BMPR1A: variants seen among roughly 807,000 people sequenced by gnomAD.
BMPR1A encodes bone morphogenetic protein receptor type 1A, also known as bone morphogenetic protein receptor type-1A.
A neutral mutation model predicts 66.0 loss-of-function variants in BMPR1A; 7 were observed. That is an observed-to-expected ratio of 0.11 (90% confidence interval 0.06 to 0.20). The LOEUF (loss-of-function observed/expected upper bound fraction) is 0.20, where lower values mean the gene tolerates loss of function less well. BMPR1A is among the 10% of genes least tolerant of loss of function. BMPR1A has a pLI of 1.00. For synonymous variants in BMPR1A, 200 were observed against 229.7 expected (o/e 0.87, Z 1.17); for missense variants, 408 against 669.1 (o/e 0.61, Z 4.31).
At chr10:86,758,668 A>C (rs1047487639) in intron 1 of BMPR1A, among the ~76,000 whole-genome samples, 1 of 152,248 alleles carries the variant, frequency 6.6e-6, no homozygotes, top group Non-Finnish European at 1.5e-5. Context: ...TGAAATTAAA[A>C]TTTAGTCATT....
At chr10:86,859,061 G>A (rs988871077) in intron 2 of BMPR1A, among the ~76,000 whole-genome samples, 1 of 152,166 alleles carries the variant, frequency 6.6e-6, no homozygotes, top group African/African-American at 2.4e-5. Flanking sequence ...CATGGTACTA[G>A]CATAAAACCA....
At chr10:86,847,862 GT>G (rs1842508913) in intron 2 of BMPR1A, among the ~76,000 whole-genome samples, 3 of 151,000 alleles carry the variant, frequency 2.0e-5, no homozygotes. Context: ...TGTTTCTTAG[GT>G]TATTGGTCTG....
intron 1 of BMPR1A, among the ~76,000 whole-genome samples, chr10:86,758,148 T>A (rs1282083809): frequency 1.3e-5 from 2 of 152,182 alleles, no homozygotes; most frequent in Non-Finnish European, 2.9e-5. Context: ...ATGGGGTGAG[T>A]GTATGAAAGG....
chr10:86,915,311 G>A lies in BMPR1A; in HGVS notation c.676-1823G>A, dbSNP rs148362309. Among the ~76,000 whole-genome samples the A allele has an allele frequency of 6.8e-3, 1,030 of 152,172 alleles. 7 individuals carry two copies. Among genetic ancestry groups the A allele is most frequent in the Non-Finnish European group, 0.011 (766 of 68,010 alleles). ...CTCCCAAAGTGTTGGGATTACAGGC[G>A]TGAGCCACCACGCCTGGCCAAAAAG... On this transcript the variant is annotated intron_variant, in intron 8 of 12. Coordinates refer to ENST00000372037, the MANE Select transcript of BMPR1A (RefSeq NM_004329.3).
intron 1 of BMPR1A, among the ~76,000 whole-genome samples, chr10:86,762,990 G>A (rs553486795): frequency 3.9e-5 from 6 of 152,236 alleles, no homozygotes; most frequent in East Asian, 1.9e-4. Context: ...TCTACCTCCC[G>A]GGTTAAGCGA....
intron 2 of BMPR1A, among the ~76,000 whole-genome samples, chr10:86,842,682 A>G (rs749803721): frequency 2.6e-5 from 4 of 152,226 alleles, no homozygotes; most frequent in Non-Finnish European, 4.4e-5. Context: ...GACATACCCA[A>G]GACTGGGCAA....
intron 2 of BMPR1A, among the ~76,000 whole-genome samples, chr10:86,861,426 T>C (rs1348486007): frequency 6.6e-6 from 1 of 152,216 alleles, no homozygotes; most frequent in African/African-American, 2.4e-5. Context: ...TCTGCCCTTA[T>C]TCAGGGCAGT....
intron 2 of BMPR1A, among the ~76,000 whole-genome samples, chr10:86,847,514 C>T (rs1179859713): frequency 2.0e-5 from 3 of 151,322 alleles, no homozygotes; most frequent in Non-Finnish European, 4.4e-5. Flanking sequence ...TTTCTTTTTC[C>T]TCATTGCCTC....
intron 2 of BMPR1A, among the ~76,000 whole-genome samples, chr10:86,858,032 A>G (rs999481965): frequency 3.9e-5 from 6 of 152,174 alleles, no homozygotes; most frequent in African/African-American, 1.4e-4. Context: ...CTTAAAAAGA[A>G]GAGTATGAAA....
chr10:86,911,154 CAAAAAAA>C (rs35449069), intron 7 of BMPR1A, among the ~76,000 whole-genome samples: 4 of 82,868 alleles, frequency 4.8e-5, no homozygotes, highest in Non-Finnish European at 9.9e-5. Context: ...GACCCTGTCT[CAAAAAAA>C]AAAAAAAAAA....
chr10:86,920,856 C>CTTTT (rs397774280), intron 10 of BMPR1A, among the ~76,000 whole-genome samples: 6 of 122,202 alleles, frequency 4.9e-5, no homozygotes, highest in African/African-American at 9.4e-5. Flanking sequence ...CTTTTCTTTT[C>CTTTT]TTTTTTTTTT....
intron 3 of BMPR1A, among the ~76,000 whole-genome samples, chr10:86,888,217 A>G (rs1262546748): frequency 6.8e-6 from 1 of 147,928 alleles, no homozygotes; most frequent in African/African-American, 2.5e-5. Flanking sequence ...TAATCCCAGC[A>G]CTTTGGGAGA....
intron 2 of BMPR1A, chr10:86,855,199 C>A: frequency 1.5e-6 from 1 of 682,768 alleles, no homozygotes. Context: ...CCACCACACC[C>A]TGCGTCGCTA....
chr10:86,918,340 C>T (rs1843607546), intron 9 of BMPR1A, among the ~76,000 whole-genome samples: 1 of 152,018 alleles, frequency 6.6e-6, no homozygotes, highest in Admixed American at 6.6e-5. Flanking sequence ...ACTCACTGAC[C>T]TTTTTCTGGA....
At chr10:86,837,231 C>CTGTGTGTGTGTGTGTGTGTGTGTG (rs140440137) in intron 1 of BMPR1A, among the ~76,000 whole-genome samples, 50 of 143,748 alleles carry the variant, frequency 3.5e-4, no homozygotes, top group Middle Eastern at 3.5e-3. Flanking sequence ...TAGAATCAGG[C>CTGTGTGTGTGTGTGTGTGTGTGTG]TGTGTGTGTG....
intron 1 of BMPR1A, among the ~76,000 whole-genome samples, chr10:86,789,790 A>G (rs555871808): frequency 6.6e-6 from 1 of 152,052 alleles, no homozygotes. Flanking sequence ...AAGGATTCAG[A>G]TAGACATTAC....
At chr10:86,861,382 A>G (rs1008522024) in intron 2 of BMPR1A, among the ~76,000 whole-genome samples, 14 of 152,182 alleles carry the variant, frequency 9.2e-5, no homozygotes, top group Non-Finnish European at 1.3e-4. Flanking sequence ...CATGCTTGTC[A>G]GGGAAGAATT....
chr10:86,861,735 C>G (rs944371979), intron 2 of BMPR1A, among the ~76,000 whole-genome samples: 5 of 152,198 alleles, frequency 3.3e-5, no homozygotes, highest in Non-Finnish European at 5.9e-5. Flanking sequence ...CTTTCTTAAG[C>G]CCTTTTAATT....
intron 2 of BMPR1A, among the ~76,000 whole-genome samples, chr10:86,848,378 CTAT>C (rs1290575510): frequency 1.3e-5 from 2 of 152,122 alleles, no homozygotes; most frequent in Admixed American, 6.5e-5. Flanking sequence ...TAAGTGTTAA[CTAT>C]TATTTAATAT....
Sources: gnomAD v4.1 joint callset for allele counts (sites outside exome capture counted in the v4.1 genomes callset) on GRCh38, gnomAD v4.1.1 for gene constraint, MANE v1.5 for transcripts, NCBI Gene and HGNC (gene_info 2026-07-23, HGNC 2026-07-21) for gene names.